Variants in CCDC136 observed in about 807,000 individuals in gnomAD.
The protein encoded by CCDC136 is coiled-coil domain containing 136, also known as coiled-coil domain-containing protein 136.
CCDC136 carries 100 observed loss-of-function variants against 141.2 expected under a neutral mutation model. The observed-to-expected ratio is 0.71, with a 90% CI of 0.60 to 0.84. The LOEUF (loss-of-function observed/expected upper bound fraction) is 0.84, where lower values mean the gene tolerates loss of function less well. Among genes scored for constraint, CCDC136 ranks in the 40% least tolerant of loss-of-function variants. The probability of loss-of-function intolerance (pLI) is 0.00; values close to 1 mark genes in which losing one functional copy is unlikely to be tolerated. For missense variants in CCDC136, 1,206 were observed against 1,379.4 expected, an observed-to-expected ratio of 0.87 and a Z score of 1.99; for synonymous variants, 474 against 531.9, an observed-to-expected ratio of 0.89 and a Z score of 1.50.
At chr7:128,796,345 C>T (rs1424455803) in intron 3 of CCDC136, among the ~76,000 whole-genome samples, 1 of 152,018 alleles carries the variant, frequency 6.6e-6, no homozygotes, top group East Asian at 1.9e-4. Flanking sequence ...TGCAAAGGCC[C>T]AGAGGTGAGA....
In CCDC136 at chr7:128,812,708, C is replaced by T. The variant is rs759628289; in HGVS notation, c.2542C>T (p.Arg848Cys). ...EEPAEPEDME[R>C]FEEMVVKVLI... ...ATTGTTGCTCCCCCACCCCCCGCAG[C>T]GCTTTGAGGAAATGGTTGTGAAAGT... The change falls in exon 14 of 18, where the codon CGC becomes TGC. Residue 848 changes from arginine (R) to cysteine (C), a missense_variant and splice_region_variant. Coordinates refer to ENST00000297788, the MANE Select transcript of CCDC136 (RefSeq NM_022742.5). The T allele has an allele frequency of 1.1e-5, 17 of 1,611,240 alleles. 1 individual carries two copies. Among genetic ancestry groups the T allele is most frequent in the Middle Eastern group, 3.7e-4 (2 of 5,426 alleles).
rs1056136420 is a variant in CCDC136 at position 128,821,617 on chromosome 7, G to A, written c.*6-182G>A. On this transcript the variant is annotated intron_variant, in intron 17 of 17. Transcript: ENST00000297788. The surrounding 1 kb of genome is among the most constrained non-coding windows in gnomAD (Gnocchi z 5.1). Reference sequence around the variant, plus strand: ...CACCTAAGGTGGTGCGTACAGTGTTGGGCCACATGTCTAGTGGTGCCAGGA... The same window carrying A: ...CACCTAAGGTGGTGCGTACAGTGTTAGGCCACATGTCTAGTGGTGCCAGGA... Among the ~76,000 whole-genome samples the A allele has an allele frequency of 3.9e-5, 6 of 152,146 alleles. No homozygotes were observed. The highest frequency in any genetic ancestry group is 5.9e-5 in the Non-Finnish European group (4 of 68,034).
intron 13 of CCDC136, 111 bp from the exon 14 acceptor site, chr7:128,812,597 C>A: frequency 1.2e-6 from 1 of 843,406 alleles, no homozygotes; most frequent in South Asian, 1.6e-5. Context: ...CCCCCGCGGG[C>A]ATCTCTGGAT....
chr7:128,820,491 C>T (rs1224045732), intron 17 of CCDC136, among the ~76,000 whole-genome samples: 1 of 152,228 alleles, frequency 6.6e-6, no homozygotes, highest in Non-Finnish European at 1.5e-5. Context: ...TTAAGGATTT[C>T]AGCTCCTCCC....
intron 10 of CCDC136, chr7:128,808,691 G>T (rs1381764079): frequency 1.2e-5 from 12 of 985,292 alleles, no homozygotes; most frequent in Non-Finnish European, 1.4e-5. Context: ...GGCCACCTCA[G>T]CAGTCTCTTT....
chr7:128,805,668 C>T lies in CCDC136; in HGVS notation c.949-93C>T, dbSNP rs1804718130. On this transcript the variant is annotated intron_variant, in intron 6 of 17. Transcript: ENST00000297788. This position sits in a 1 kb window ranked among gnomAD's most constrained non-coding sequence, Gnocchi z 4.6. ...TCTCACTTGCCTGATGTAAATCTTC[C>T]AGTCAAAGAGCGCCATGCTTTCCCC... The T allele has an allele frequency of 1.3e-6, 2 of 1,563,842 alleles. No homozygotes were observed. Among genetic ancestry groups the T allele is most frequent in the Non-Finnish European group, 1.7e-6 (2 of 1,146,554 alleles).
At chr7:128,807,179 G>A (rs1193373549) in intron 9 of CCDC136, among the ~76,000 whole-genome samples, 181 bp from the exon 10 acceptor site, 1 of 152,110 alleles carries the variant, frequency 6.6e-6, no homozygotes, top group African/African-American at 2.4e-5. Context: ...GGCTGCACTG[G>A]GAAGGTCTGT....
chr7:128,809,518 G>T lies in CCDC136; in HGVS notation c.1674G>T (p.Gly558=). The change falls in exon 11 of 18, where the codon GGG becomes GGT. Residue 558 remains glycine, a synonymous_variant. Coordinates refer to ENST00000297788, the MANE Select transcript of CCDC136 (RefSeq NM_022742.5). ...ACAAGGCCAGCCAGAAGGAGATGGG[G>T]CAGCTGCAGATGGAGCAGTGTGAGC... The part of the protein sequence containing the change: ...EKYKASQKEM[G]QLQMEQCELL... 6.4e-7 allele frequency: 1 copy of T among 1,553,480 alleles called. No individual in the cohort carries two copies. Among genetic ancestry groups the T allele is most frequent in the African/African-American group, 1.4e-5 (1 of 73,312 alleles).
At position 128,810,358 on chromosome 7, in the gene CCDC136, C is replaced by A. The variant is rs372613683; in HGVS notation, c.2020C>A (p.Arg674=). 55 of 1,610,074 alleles carry A rather than the reference C, an allele frequency of 3.4e-5. No homozygotes were observed. Among genetic ancestry groups the A allele is most frequent in the Admixed American group, 1.0e-4 (6 of 59,896 alleles). The change falls in exon 12 of 18, where the codon CGA becomes AGA. Residue 674 remains arginine (R), a synonymous_variant. Coordinates refer to ENST00000297788, the MANE Select transcript of CCDC136 (RefSeq NM_022742.5). Reference sequence around the variant, plus strand: ...ATTGGCTAAGTCCTCCAAATGTAATCGAAACAAGGTAACCATAGCAAGAGG... The same window carrying A: ...ATTGGCTAAGTCCTCCAAATGTAATAGAAACAAGGTAACCATAGCAAGAGG... ...SKLAKSSKCN[R]NKQSKLLMEQ...
At chr7:128,811,317 G>T (rs1358485479) in intron 12 of CCDC136, 1 of 404,792 alleles carries the variant, frequency 2.5e-6, no homozygotes, top group Admixed American at 2.7e-5. Flanking sequence ...CCAGAGGCCA[G>T]ATTCAGAATT....
In CCDC136 at chr7:128,812,183, C is replaced by T. The variant is rs372104350; in HGVS notation, c.2412C>T (p.Tyr804=). ...TSASEAYGKS[Y]CTTSNSSITY... ...CCAGTGAGGCCTATGGGAAGAGTTA[C>T]TGCACTACCAGCAACAGCAGCATTA... The change falls in exon 13 of 18, where the codon TAC becomes TAT. Residue 804 remains tyrosine, a synonymous_variant. Transcript: ENST00000297788. 41 of 1,614,016 alleles carry T rather than the reference C, an allele frequency of 2.5e-5. No individual in the cohort carries two copies. In the African/African-American group the frequency reaches 5.2e-4, roughly 20 times the overall value.
intron 9 of CCDC136, 99 bp downstream of exon 9, chr7:128,806,957 G>A: frequency 1.5e-6 from 2 of 1,304,754 alleles, no homozygotes; most frequent in Admixed American, 2.8e-5. Flanking sequence ...GTGTGGAGGA[G>A]CTGGCAGTGA....
Position 128,817,705 on chromosome 7 carries a change from C to T in CCDC136, c.3364-53C>T. 8.2e-7 allele frequency: 1 copy of T among 1,215,304 alleles called. No individual in the cohort carries two copies. The highest frequency in any genetic ancestry group is 1.2e-6 in the Non-Finnish European group (1 of 815,928). 75.3% of individuals were successfully genotyped at this position (1,215,304 alleles called of 1,614,324 possible). A position where few individuals can be genotyped will look rare whatever the true frequency, so the allele number is the denominator to read the frequency against. ...ATCTGTTGGATCCATGCGTTTATGT[C>T]TCACATCTCCTGGTCTCTCCTCGTG... On this transcript the variant is annotated intron_variant, in intron 16 of 17. Transcript: ENST00000297788. This position sits in a 1 kb window ranked among gnomAD's most constrained non-coding sequence, Gnocchi z 4.6.
Position 128,805,909 on chromosome 7 carries a change from C to A in CCDC136, c.1089+8C>A. On this transcript the variant is annotated splice_region_variant and intron_variant, in intron 7 of 17. Transcript: ENST00000297788. The surrounding 1 kb of genome is among the most constrained non-coding windows in gnomAD (Gnocchi z 4.6). ...TCCCACAGTGTCACCCAGGTAAACA[C>A]TGCCCGGGGAGGCATCTGGGGTGGG... 1 of 1,613,728 alleles carries A rather than the reference C, an allele frequency of 6.2e-7. No individual in the cohort carries two copies. Among genetic ancestry groups the A allele is most frequent in the Non-Finnish European group, 8.5e-7 (1 of 1,179,850 alleles).
chr7:128,791,104 G>C (rs1802111351), upstream of CCDC136: 1 of 183,458 alleles, frequency 5.5e-6, no homozygotes, highest in Non-Finnish European at 1.1e-5. The surrounding 1 kb of genome is among the most constrained non-coding windows in gnomAD (Gnocchi z 7.1). Context: ...CTGACACCTG[G>C]TGCAGAAGGG....
In CCDC136 at chr7:128,815,942, C is replaced by T. The variant is rs763881371; in HGVS notation, c.3363+11C>T. The T allele has an allele frequency of 6.9e-6, 11 of 1,603,952 alleles. No homozygotes were observed. Among genetic ancestry groups the T allele is most frequent in the Non-Finnish European group, 9.4e-6 (11 of 1,175,072 alleles). On this transcript the variant is annotated intron_variant, in intron 16 of 17. Coordinates refer to ENST00000297788, the MANE Select transcript of CCDC136 (RefSeq NM_022742.5). ...TCCGAGAGCAAAAAGGTAACCAGAG[C>T]CAAAGCCTAGATCAAGTGGGAAGTG...
intron 3 of CCDC136, among the ~76,000 whole-genome samples, chr7:128,799,131 A>C (rs1803572125): frequency 1.4e-5 from 2 of 141,656 alleles, no homozygotes; most frequent in African/African-American, 2.6e-5. Context: ...CAGGAGTTTG[A>C]GACCAGCCTG....
rs753839236 is a variant in CCDC136 at position 128,811,807 on chromosome 7, A to G, written c.2036A>G (p.Lys679Arg). 6.4e-7 allele frequency: 1 copy of G among 1,573,874 alleles called. No homozygotes were observed. The highest frequency in any genetic ancestry group is 2.2e-5 in the East Asian group (1 of 44,534). The change falls in exon 13 of 18, where the codon AAG (lysine) becomes AGG (arginine). Residue 679 changes from lysine to arginine, a missense_variant. By Grantham distance (26) the Lys-to-Arg change is conservative (BLOSUM62 2). Coordinates refer to ENST00000297788, the MANE Select transcript of CCDC136 (RefSeq NM_022742.5). ...SSKCNRNKQSKLLMEQMQALQ... is the reference protein window; with the variant it reads ...SSKCNRNKQSRLLMEQMQALQ... ...CCCCACCCCTGCCCCCAGCAATCCA[A>G]GCTGCTCATGGAGCAGATGCAGGCC...
At chr7:128,818,403 G>A in intron 17 of CCDC136, 1 of 153,836 alleles carries the variant, frequency 6.5e-6, no homozygotes, top group Admixed American at 6.4e-5. Flanking sequence ...ATTGGTAGGA[G>A]GGCAACCTAA....
Sources: allele counts gnomAD v4.1 joint callset (sites outside exome capture counted in the v4.1 genomes callset), GRCh38; gene constraint gnomAD v4.1.1; non-coding constraint Gnocchi (gnomAD v3.1); transcripts MANE v1.5; gene names NCBI Gene and HGNC (gene_info 2026-07-23, HGNC 2026-07-21).